Variants in AUTS2 observed in about 807,000 individuals in gnomAD.
The protein encoded by AUTS2 is activator of transcription and developmental regulator AUTS2, also known as autism susceptibility gene 2 protein.
A neutral mutation model predicts 112.4 loss-of-function variants in AUTS2; 17 were observed. That is an observed-to-expected ratio of 0.15 (90% CI 0.10 to 0.23). The LOEUF is 0.23. Among genes scored for constraint, AUTS2 ranks in the 10% least tolerant of loss-of-function variants. AUTS2 has a pLI of 1.00. For missense variants in AUTS2, 1,510 were observed against 1,701.6 expected (o/e 0.89, Z 1.98); for synonymous variants, 751 against 702.7 (o/e 1.07, Z -1.09).
intron 1 of AUTS2, among the ~76,000 whole-genome samples, chr7:69,841,625 T>C (rs941868301): frequency 6.6e-6 from 1 of 152,222 alleles, no homozygotes; most frequent in Admixed American, 6.5e-5. Flanking sequence ...AAAACTGGTA[T>C]GTCTGATCTT....
chr7:69,929,601 C>G (rs1796153859), intron 2 of AUTS2, among the ~76,000 whole-genome samples: 1 of 152,044 alleles, frequency 6.6e-6, no homozygotes, highest in Admixed American at 6.6e-5. Context: ...GTCTCAGGTT[C>G]ACCAGTCTTT....
At chr7:69,877,923 G>A in intron 1 of AUTS2, among the ~76,000 whole-genome samples, 1 of 152,084 alleles carries the variant, frequency 6.6e-6, no homozygotes, top group Non-Finnish European at 1.5e-5. Flanking sequence ...GGCAGGCCGT[G>A]GAGAAGATAT....
Position 70,785,433 on chromosome 7 carries a change from C to T in AUTS2, c.2224+414C>T, listed in dbSNP as rs1320696288. On this transcript the variant is annotated intron_variant, in intron 16 of 18. Coordinates refer to ENST00000342771, the MANE Select transcript of AUTS2 (RefSeq NM_015570.4). ...GACGTTATGGAGAGGAGTTATTCTACATCTCACTGCCCCGATAAATGAGTC... is the reference window on the plus strand; with the variant it reads ...GACGTTATGGAGAGGAGTTATTCTATATCTCACTGCCCCGATAAATGAGTC... 4 of 479,978 alleles carry T rather than the reference C, an allele frequency of 8.3e-6. No homozygotes were observed. The East Asian group carries it at 1.9e-4, about 23-fold the overall frequency. The allele number at this position is 479,978 out of a possible 1,614,324, so 29.7% of individuals were successfully genotyped here. A position where few individuals can be genotyped will look rare whatever the true frequency, so the allele number is the denominator to read the frequency against.
chr7:69,874,180 C>T (rs1793625086), intron 1 of AUTS2, among the ~76,000 whole-genome samples: 1 of 151,840 alleles, frequency 6.6e-6, no homozygotes, highest in Non-Finnish European at 1.5e-5. Context: ...ATCACATGAG[C>T]CCAGGAGTTT....
chr7:70,446,665 C>T (rs975059562), intron 5 of AUTS2, among the ~76,000 whole-genome samples: 1 of 152,160 alleles, frequency 6.6e-6, no homozygotes, highest in Non-Finnish European at 1.5e-5. Context: ...TTTGCCATAA[C>T]CGAGTATGAC....
At chr7:70,178,401 T>C (rs1397664011) in intron 4 of AUTS2, among the ~76,000 whole-genome samples, 2 of 152,206 alleles carry the variant, frequency 1.3e-5, no homozygotes, top group Non-Finnish European at 2.9e-5. Context: ...TCTATAACTT[T>C]CTGTTGAAAT....
intron 6 of AUTS2, among the ~76,000 whole-genome samples, chr7:70,720,387 A>G (rs1232797828): frequency 1.3e-5 from 2 of 152,182 alleles, no homozygotes; most frequent in African/African-American, 4.8e-5. Context: ...GCAGGCGTCA[A>G]TCTGTAGGGA....
At position 70,043,659 on chromosome 7, in the gene AUTS2, G is replaced by T. The variant is rs573162043; in HGVS notation, c.523-74473G>T. 2.7e-5 allele frequency among the ~76,000 whole-genome samples: 4 copies of T among 147,730 alleles called. No homozygotes were observed. In the East Asian group the frequency reaches 6.0e-4, roughly 22 times the overall value. On this transcript the variant is annotated intron_variant, in intron 2 of 18. Transcript: ENST00000342771. Reference sequence around the variant, plus strand: ...TGTTTCACTCTTGTTGCCCAGGCTGGAGTGCAATGGCGCAATCTTGGCTTA... The same window carrying T: ...TGTTTCACTCTTGTTGCCCAGGCTGTAGTGCAATGGCGCAATCTTGGCTTA...
At chr7:70,728,206 C>G (rs1787146916) in intron 6 of AUTS2, among the ~76,000 whole-genome samples, 1 of 152,154 alleles carries the variant, frequency 6.6e-6, no homozygotes, top group Non-Finnish European at 1.5e-5. Flanking sequence ...CTGTCCTGAT[C>G]TGTGGATCTT....
chr7:70,586,790 G>C (rs981154400), intron 5 of AUTS2, among the ~76,000 whole-genome samples: 3 of 152,166 alleles, frequency 2.0e-5, no homozygotes, highest in Admixed American at 1.3e-4. Context: ...TCCTGTCCTT[G>C]AGGTCAGCAC....
intron 5 of AUTS2, among the ~76,000 whole-genome samples, chr7:70,552,142 G>GA (rs1185654109): frequency 6.6e-6 from 1 of 152,084 alleles, no homozygotes; most frequent in Admixed American, 6.6e-5. Context: ...TTAAACAAGA[G>GA]AAAAAGTGAA....
chr7:70,429,568 T>C (rs1056084875), intron 4 of AUTS2, among the ~76,000 whole-genome samples: 2 of 152,122 alleles, frequency 1.3e-5, no homozygotes, highest in Non-Finnish European at 2.9e-5. Context: ...TATGTTAGGA[T>C]AGTGCCACAC....
intron 2 of AUTS2, among the ~76,000 whole-genome samples, chr7:69,957,445 G>C (rs1797261115): frequency 6.6e-6 from 1 of 151,818 alleles, no homozygotes; most frequent in African/African-American, 2.4e-5. Flanking sequence ...TGTACCCTGA[G>C]ATATTAGCTA....
At chr7:70,380,974 A>T (rs1377083680) in intron 4 of AUTS2, among the ~76,000 whole-genome samples, 1 of 152,266 alleles carries the variant, frequency 6.6e-6, no homozygotes, top group African/African-American at 2.4e-5. Context: ...ATCCATTAAC[A>T]TAGAAGAGTA....
At chr7:69,788,927 T>A (rs144601908) in intron 1 of AUTS2, among the ~76,000 whole-genome samples, 1 of 152,150 alleles carries the variant, frequency 6.6e-6, no homozygotes, top group African/African-American at 2.4e-5. Flanking sequence ...AGGGAAACGA[T>A]AGGACACTTG....
In AUTS2 at chr7:70,715,679, A is replaced by C. The variant is rs893095605; in HGVS notation, c.742+17059A>C. Among the ~76,000 whole-genome samples the C allele has an allele frequency of 2.0e-5, 3 of 152,076 alleles. No individual in the cohort carries two copies. The East Asian group carries it at 5.8e-4, about 29-fold the overall frequency. On this transcript the variant is annotated intron_variant, in intron 6 of 18. Coordinates refer to ENST00000342771, the MANE Select transcript of AUTS2 (RefSeq NM_015570.4). ...CCCAAGTAGCTGGGATTACAGGCGC[A>C]TGCCACCACACCCAGCTAATTTTTG...
At chr7:70,778,951 C>T (rs1428403574) in intron 14 of AUTS2, among the ~76,000 whole-genome samples, 1 of 152,112 alleles carries the variant, frequency 6.6e-6, no homozygotes, top group East Asian at 1.9e-4. Context: ...TAAAAGTGTC[C>T]CCAGTGACTT....
intron 5 of AUTS2, among the ~76,000 whole-genome samples, chr7:70,594,240 C>T (rs2129528893): frequency 6.6e-6 from 1 of 152,312 alleles, no homozygotes; most frequent in Non-Finnish European, 1.5e-5. Context: ...CTTCAGGTGA[C>T]CCTGGCAAGT....
At chr7:70,571,710 T>C (rs745364617) in intron 5 of AUTS2, among the ~76,000 whole-genome samples, 1 of 152,178 alleles carries the variant, frequency 6.6e-6, no homozygotes, top group Non-Finnish European at 1.5e-5. Context: ...TGGAGGAGCC[T>C]TGGGGAAATC....
Sources: allele counts gnomAD v4.1 joint callset (sites outside exome capture counted in the v4.1 genomes callset), GRCh38; gene constraint gnomAD v4.1.1; transcripts MANE v1.5; gene names NCBI Gene and HGNC (gene_info 2026-07-23, HGNC 2026-07-21).